Variants in ADH5 observed in about 807,000 individuals in gnomAD.
The protein encoded by ADH5 is alcohol dehydrogenase 5 (class III), chi polypeptide.
ADH5 carries 32 observed loss-of-function variants against 40.3 expected under a neutral mutation model. The ratio of observed to expected loss-of-function variants is 0.79; its 90% confidence interval spans 0.60 to 1.07. The LOEUF (loss-of-function observed/expected upper bound fraction) is 1.07. Ranked by LOEUF, ADH5 falls within the 50% of genes least tolerant of loss-of-function variation. ADH5 has a pLI of 0.00. For missense variants in ADH5, 353 were observed against 460.5 expected, an observed-to-expected ratio of 0.77 and a Z score of 2.14; for synonymous variants, 125 against 154.3, an observed-to-expected ratio of 0.81 and a Z score of 1.41.
intron 6 of ADH5, 158 bp from the exon 7 acceptor site, chr4:99,075,207 A>T: frequency 1.9e-6 from 1 of 517,250 alleles, no homozygotes; most frequent in Non-Finnish European, 3.0e-6. Flanking sequence ...AACAATTTAT[A>T]TTTTAATTTT....
At chr4:99,079,370 A>G (rs1383324856) in intron 4 of ADH5, among the ~76,000 whole-genome samples, 1 of 152,168 alleles carries the variant, frequency 6.6e-6, no homozygotes, top group African/African-American at 2.4e-5. Flanking sequence ...ACATTATGAA[A>G]AAAAAGAAAC....
At chr4:99,087,368 A>C (rs967710031) in intron 1 of ADH5, among the ~76,000 whole-genome samples, 1 of 112,016 alleles carries the variant, frequency 8.9e-6, no homozygotes. Context: ...GGAAACAAAG[A>C]GCGAAACTCC....
intron 6 of ADH5, chr4:99,076,079 T>C (rs1437818174): frequency 1.8e-5 from 10 of 548,946 alleles, no homozygotes; most frequent in South Asian, 4.3e-5. Context: ...TTAGCAGGCA[T>C]TGAAAGGCAA....
In ADH5 at chr4:99,088,673, G is replaced by C. The variant is rs752519844; in HGVS notation, c.12+16C>G. ...CCCTCCCTTGGACTCAGGGCCCTCC[G>C]CTCAACGGGCCCTACCTCGTTCGCC... On this transcript the variant is annotated intron_variant, in intron 1 of 8. Coordinates refer to ENST00000296412, the MANE Select transcript of ADH5 (RefSeq NM_000671.4). 2.5e-6 allele frequency: 4 copies of C among 1,606,162 alleles called. No individual in the cohort carries two copies. The African/African-American group carries it at 4.0e-5, about 16-fold the overall frequency.
intron 3 of ADH5, 140 bp downstream of exon 3, chr4:99,081,835 C>T (rs971942961): frequency 2.4e-6 from 2 of 843,434 alleles, no homozygotes; most frequent in African/African-American, 3.4e-5. Flanking sequence ...TTGTGCTTCC[C>T]AGATGAGGAA....
chr4:99,081,600 T>C, intron 3 of ADH5, 148 bp from the exon 4 acceptor site: 1 of 628,182 alleles, frequency 1.6e-6, no homozygotes, highest in Non-Finnish European at 2.8e-6. Context: ...ATCATTCAGA[T>C]ACTGTCTGAC....
intron 3 of ADH5, 41 bp downstream of exon 3, chr4:99,081,934 A>C: frequency 1.2e-6 from 2 of 1,608,798 alleles, no homozygotes; most frequent in South Asian, 1.1e-5. Flanking sequence ...CATAGGAATA[A>C]GCCAAAATTA....
At chr4:99,074,035 C>T (rs763815747) in intron 7 of ADH5, among the ~76,000 whole-genome samples, 55 of 152,080 alleles carry the variant, frequency 3.6e-4, no homozygotes, top group South Asian at 2.1e-4. Context: ...TTATAAAGAA[C>T]GAAGATTTTG....
intron 2 of ADH5, among the ~76,000 whole-genome samples, chr4:99,084,392 T>C (rs28894370): frequency 0.072 from 10,960 of 152,230 alleles, 625 homozygotes; most frequent in African/African-American, 0.17. Flanking sequence ...CTAATCATAG[T>C]GCATTTGTAC....
rs142688337 is a variant in ADH5, at chr4:99,077,050, T to C, written c.345-127A>G. The C allele has an allele frequency of 2.8e-3, 1,949 of 686,592 alleles. 26 individuals are homozygous for C. Among genetic ancestry groups the C allele is most frequent in the African/African-American group, 0.028 (1,563 of 55,484 alleles). The allele number at this position is 686,592 out of a possible 1,614,324, so 42.5% of individuals were successfully genotyped here. A position where few individuals can be genotyped will look rare whatever the true frequency, so the allele number is the denominator to read the frequency against. On this transcript the variant is annotated intron_variant, in intron 4 of 8. Coordinates refer to ENST00000296412, the MANE Select transcript of ADH5 (RefSeq NM_000671.4). ...GTGTTGTAAACTACAATTTCAAATA[T>C]ATTCATTAGTAATTTAGCACCTTGC...
At chr4:99,078,994 T>G (rs1347601617) in intron 4 of ADH5, among the ~76,000 whole-genome samples, 1 of 152,234 alleles carries the variant, frequency 6.6e-6, no homozygotes, top group Non-Finnish European at 1.5e-5. Flanking sequence ...ATAAAATAAA[T>G]GGAATTTTGT....
In ADH5 at chr4:99,071,391, G is replaced by A. The variant is rs746100532; in HGVS notation, c.*1026C>T. 1 of 152,192 alleles carries A rather than the reference G, an allele frequency of 6.6e-6. No homozygotes were observed. Among genetic ancestry groups the A allele is most frequent in the Non-Finnish European group, 1.5e-5 (1 of 68,034 alleles). The allele number at this position is 152,192 out of a possible 1,614,324, so 9.4% of individuals were successfully genotyped here. On this transcript the variant is annotated 3_prime_UTR_variant, in exon 9 of 9. Coordinates refer to ENST00000296412, the MANE Select transcript of ADH5 (RefSeq NM_000671.4). ...CAATGCAGAAGAATGTTCCACTACA[G>A]TGTTATAATACAGAAACTGGCAACA...
At chr4:99,086,673 G>A (rs1473451721) in intron 1 of ADH5, among the ~76,000 whole-genome samples, 7 of 151,952 alleles carry the variant, frequency 4.6e-5, no homozygotes, top group Admixed American at 2.0e-4. Context: ...GGCCGGGCGC[G>A]GTGGCTCAAG....
chr4:99,079,051 G>A (rs1429286434), intron 4 of ADH5, among the ~76,000 whole-genome samples: 3 of 152,208 alleles, frequency 2.0e-5, no homozygotes, highest in South Asian at 4.1e-4. Context: ...ATAAACAAAT[G>A]GATCTCCCAT....
chr4:99,081,916 A>G, intron 3 of ADH5, 59 bp downstream of exon 3: 1 of 1,581,610 alleles, frequency 6.3e-7, no homozygotes, highest in South Asian at 1.1e-5. Context: ...TCAGAAAAAC[A>G]ATTTCCCCAT....
chr4:99,085,247 T>C, intron 1 of ADH5, 31 bp from the exon 2 acceptor site: 1 of 1,245,542 alleles, frequency 8.0e-7, no homozygotes, highest in Non-Finnish European at 1.1e-6. Context: ...AATAAGCTGT[T>C]TATCCTCCTA....
At position 99,076,617 on chromosome 4, in the gene ADH5, TAC is replaced by T. The variant is rs1378664549; in HGVS notation, c.565-67_565-66del. 8 of 1,594,894 alleles carry T rather than the reference TAC, an allele frequency of 5.0e-6. No homozygotes were observed. In the Admixed American group the frequency reaches 1.4e-4, roughly 28 times the overall value. On this transcript the variant is annotated intron_variant, in intron 5 of 8. Coordinates refer to ENST00000296412, the MANE Select transcript of ADH5 (RefSeq NM_000671.4). ...GAGTCAAGAGAATCACTGGGTTTCA[TAC>T]AGATTGGCCAATTTCACTATTCCAG...
rs1472223613 is a variant in ADH5 at position 99,071,595 on chromosome 4, T to C, written c.*822A>G. ...AAATATATAAAACAGTACTAAAGAG[T>C]AGATGGTTTAGGTTATACACAGTGA... On this transcript the variant is annotated 3_prime_UTR_variant, in exon 9 of 9. Transcript: ENST00000296412. 1 of 151,730 alleles carries C rather than the reference T, an allele frequency of 6.6e-6. No individual in the cohort carries two copies. Among genetic ancestry groups the C allele is most frequent in the African/African-American group, 2.4e-5 (1 of 41,262 alleles). The allele number at this position is 151,730 out of a possible 1,614,324, so 9.4% of individuals were successfully genotyped here. A position where few individuals can be genotyped will look rare whatever the true frequency, so the allele number is the denominator to read the frequency against.
intron 2 of ADH5, 82 bp downstream of exon 2, chr4:99,085,033 C>T (rs17028505): frequency 0.013 from 8,036 of 619,444 alleles, 451 homozygotes; most frequent in African/African-American, 0.13. Context: ...GGGATTTATC[C>T]TCTGCAGATC....
Sources: allele counts gnomAD v4.1 joint callset (sites outside exome capture counted in the v4.1 genomes callset), GRCh38; gene constraint gnomAD v4.1.1; transcripts MANE v1.5; gene names NCBI Gene and HGNC (gene_info 2026-07-23, HGNC 2026-07-21).